Variants in FGF13 observed in about 807,000 individuals in gnomAD.
FGF13 encodes the protein fibroblast growth factor 13.
In FGF13, 2 loss-of-function variants were observed where a neutral mutation model predicts 19.5. The observed-to-expected ratio is 0.10, with a 90% CI of 0.04 to 0.32. The LOEUF (loss-of-function observed/expected upper bound fraction) is 0.32. Among genes scored for constraint, FGF13 ranks in the 10% least tolerant of loss-of-function variants. The pLI is 1.00. For synonymous variants in FGF13, 72 were observed against 76.9 expected (o/e 0.94, Z 0.33); for missense variants, 113 against 192.7 (o/e 0.59, Z 2.45).
intron 3 of FGF13, among the ~76,000 whole-genome samples, chrX:138,652,430 G>T (rs775082783): frequency 8.9e-6 from 1 of 111,895 alleles, no homozygotes; most frequent in Non-Finnish European, 1.9e-5. Context: ...CAAGGATTAT[G>T]TTTTGCTCAT....
rs1384888949 is a variant in FGF13, at chrX:138,621,951, T to A, written c.*10899A>T. The A allele has an allele frequency of 9.0e-6, 1 of 110,687 alleles. No individual in the cohort carries two copies. The highest frequency in any genetic ancestry group is 1.9e-5 in the Non-Finnish European group (1 of 52,819). The allele number at this position is 110,687 out of a possible 1,213,427, so 9.1% of individuals were successfully genotyped here. ...AAAGAATATTGAATCAGCAATTTTT[T>A]AAAAAAGAACTTCCCAACAAAGTAA... On this transcript the variant is annotated 3_prime_UTR_variant, in exon 5 of 5. Transcript: ENST00000315930.
intron 1 of FGF13, among the ~76,000 whole-genome samples, chrX:139,128,136 C>A (rs2083730592): frequency 1.8e-5 from 2 of 110,534 alleles, no homozygotes; most frequent in Non-Finnish European, 3.8e-5. Context: ...ACCAGGGATG[C>A]AGGTGCTGCC....
At chrX:138,731,793 AAG>A (rs1376345915) in intron 1 of FGF13, among the ~76,000 whole-genome samples, 3 of 110,449 alleles carry the variant, frequency 2.7e-5, no homozygotes, top group East Asian at 2.8e-4. Context: ...AGACCAAGAA[AAG>A]AGAGAAAAAA....
intron 1 of FGF13, among the ~76,000 whole-genome samples, chrX:139,132,269 A>G (rs1219826961): frequency 1.8e-5 from 2 of 111,999 alleles, no homozygotes; most frequent in African/African-American, 3.2e-5. Flanking sequence ...TCTTTAAGAC[A>G]TAAACATCTA....
rs183569471 is a variant in FGF13, at chrX:139,054,225, C to T, written c.-113+149191G>A. Among the ~76,000 whole-genome samples the T allele has an allele frequency of 7.5e-4, 79 of 105,166 alleles. 4 individuals carry two copies. The East Asian group carries it at 0.02, about 26-fold the overall frequency. 91.3% of individuals were successfully genotyped at this position (105,166 alleles called of 115,157 possible). Reference sequence around the variant, plus strand: ...GCAAACTCCGCCTCCCGGGTTCACGCCATTCTCCTGCCTCAGCCTCCCGAG... The same window carrying T: ...GCAAACTCCGCCTCCCGGGTTCACGTCATTCTCCTGCCTCAGCCTCCCGAG... On this transcript the variant is annotated intron_variant, in intron 1 of 2. Coordinates refer to the FGF13 transcript ENST00000421460.
chrX:138,685,171 A>G (rs2089767555), intron 3 of FGF13, among the ~76,000 whole-genome samples: 1 of 111,492 alleles, frequency 9.0e-6, no homozygotes, highest in South Asian at 3.8e-4. Context: ...CTAAAGGAGC[A>G]TAATTGCCTT....
At chrX:138,906,210 C>G (rs2091557811) in intron 1 of FGF13, among the ~76,000 whole-genome samples, 1 of 111,655 alleles carries the variant, frequency 9.0e-6, no homozygotes, top group African/African-American at 3.3e-5. Context: ...GTCACTTAAC[C>G]CCCAAGTCTA....
At chrX:138,917,483 G>A (rs1399675399) in intron 1 of FGF13, among the ~76,000 whole-genome samples, 1 of 111,841 alleles carries the variant, frequency 8.9e-6, no homozygotes. Context: ...GGAGATAAAT[G>A]CCTATTCTTT....
Position 138,954,829 on chromosome X carries a change from G to A in FGF13, c.-112-90179C>T, listed in dbSNP as rs762697308. On this transcript the variant is annotated intron_variant, in intron 1 of 2. Transcript: ENST00000421460. The stretch of plus-strand genomic sequence containing the variant: ...TGAATTTTCTGTGGGGAAAAATACC[G>A]TCTTTGAGGACCACTAGCAACGTTT... Among the ~76,000 whole-genome samples, 3 of 111,968 alleles carry A rather than the reference G, an allele frequency of 2.7e-5. No homozygotes were observed. The Admixed American group carries it at 2.9e-4, about 11-fold the overall frequency.
intron 3 of FGF13, among the ~76,000 whole-genome samples, chrX:138,668,160 G>A (rs771430112): frequency 6.3e-5 from 7 of 111,520 alleles, no homozygotes; most frequent in Non-Finnish European, 1.1e-4. Context: ...GTAAAATGCT[G>A]TGCATGTATT....
chrX:139,183,936 A>G (rs1355773674), intron 1 of FGF13, among the ~76,000 whole-genome samples: 2 of 111,654 alleles, frequency 1.8e-5, no homozygotes, highest in South Asian at 3.8e-4. Flanking sequence ...TCCTCTGGAG[A>G]GGCTGATCTA....
chrX:139,120,195 G>A (rs1454055411), intron 1 of FGF13, among the ~76,000 whole-genome samples: 1 of 112,498 alleles, frequency 8.9e-6, no homozygotes, highest in African/African-American at 3.2e-5. Context: ...GGAACTCTGA[G>A]TCAATTAAAC....
chrX:138,702,790 G>C (rs970458103), intron 3 of FGF13, among the ~76,000 whole-genome samples, 194 bp downstream of exon 3: 2 of 112,479 alleles, frequency 1.8e-5, no homozygotes, highest in South Asian at 7.3e-4. Context: ...ATACTAAAAT[G>C]CTTGCTTCAA....
At chrX:138,828,887 A>G (rs986710104) in intron 3 of FGF13, among the ~76,000 whole-genome samples, 2 of 111,440 alleles carry the variant, frequency 1.8e-5, no homozygotes. Flanking sequence ...CATTCCCTCT[A>G]TGGGAAGACA....
At chrX:138,922,009 A>C (rs1048945189) in intron 1 of FGF13, among the ~76,000 whole-genome samples, 10 of 108,790 alleles carry the variant, frequency 9.2e-5, no homozygotes, top group African/African-American at 2.0e-4. Flanking sequence ...ACAACAACAA[A>C]AAAAACGACC....
At chrX:139,125,920 C>A (rs754559700) in intron 1 of FGF13, among the ~76,000 whole-genome samples, 1 of 112,049 alleles carries the variant, frequency 8.9e-6, no homozygotes, top group Admixed American at 9.4e-5. Context: ...ACACCCTCAA[C>A]CCCTGCTACC....
intron 1 of FGF13, among the ~76,000 whole-genome samples, chrX:138,942,062 G>C (rs1388560353): frequency 8.9e-6 from 1 of 112,034 alleles, no homozygotes; most frequent in Non-Finnish European, 1.9e-5. Context: ...AAATGCTGTC[G>C]TGCTCATCTA....
chrX:139,105,012 GT>G (rs199795206), intron 1 of FGF13, among the ~76,000 whole-genome samples: 8 of 106,758 alleles, frequency 7.5e-5, no homozygotes, highest in East Asian at 3.0e-4. Context: ...TTTCTTTCAA[GT>G]TTTTTTTTTC....
At chrX:138,891,992 A>G (rs1006532727) in intron 1 of FGF13, among the ~76,000 whole-genome samples, 2 of 54,117 alleles carry the variant, frequency 3.7e-5, no homozygotes, top group South Asian at 2.3e-3. Flanking sequence ...CTCTCTCTCT[A>G]TATATACATA....
Sources: gnomAD v4.1 joint callset for allele counts (sites outside exome capture counted in the v4.1 genomes callset) on GRCh38, gnomAD v4.1.1 for gene constraint, MANE v1.5 for transcripts, NCBI Gene and HGNC (gene_info 2026-07-23, HGNC 2026-07-21) for gene names.